The following PHF14 variants were observed in gnomAD, a reference collection of about 807,000 sequenced individuals.
The protein encoded by PHF14 is PHD finger protein 14.
A neutral mutation model predicts 117.9 loss-of-function variants in PHF14; 55 were observed. The observed-to-expected ratio is 0.47, with a 90% CI of 0.38 to 0.58. The LOEUF is 0.58. PHF14 is among the 20% of genes least tolerant of loss of function. The pLI is 0.00. For missense variants in PHF14, 978 were observed against 1,122.2 expected, an observed-to-expected ratio of 0.87 and a Z score of 1.84; for synonymous variants, 409 against 368.6, an observed-to-expected ratio of 1.11 and a Z score of -1.26.
At chr7:11,075,093 A>G (rs1369599721) in intron 16 of PHF14, among the ~76,000 whole-genome samples, 1 of 151,924 alleles carries the variant, frequency 6.6e-6, no homozygotes, top group Non-Finnish European at 1.5e-5. Context: ...ACATGCCATC[A>G]CACCTGGCTA....
chr7:11,087,394 G>A (rs1786454512), intron 16 of PHF14, among the ~76,000 whole-genome samples: 1 of 152,082 alleles, frequency 6.6e-6, no homozygotes, highest in Non-Finnish European at 1.5e-5. Flanking sequence ...GTATCACCAT[G>A]TTGGCCATAC....
chr7:11,053,321 G>T (rs1169630700), intron 14 of PHF14, among the ~76,000 whole-genome samples: 2 of 151,972 alleles, frequency 1.3e-5, no homozygotes, highest in Non-Finnish European at 2.9e-5. Context: ...TTATCTCTTA[G>T]ATAATTGAAA....
intron 17 of PHF14, among the ~76,000 whole-genome samples, chr7:11,168,306 G>A (rs1001110403): frequency 6.6e-6 from 1 of 152,088 alleles, no homozygotes; most frequent in East Asian, 1.9e-4. Flanking sequence ...TGTTAACAAA[G>A]TCTAAATCAC....
At chr7:11,129,590 A>G (rs1267299685) in intron 17 of PHF14, among the ~76,000 whole-genome samples, 1 of 149,260 alleles carries the variant, frequency 6.7e-6, no homozygotes, top group East Asian at 2.0e-4. Context: ...TTTAAGAGAC[A>G]GTAAACCCTT....
At chr7:11,015,803 G>GTAT (rs910519425) in intron 5 of PHF14, among the ~76,000 whole-genome samples, 27 of 150,458 alleles carry the variant, frequency 1.8e-4, no homozygotes, top group African/African-American at 6.6e-4. Flanking sequence ...TAATCATGGA[G>GTAT]TATTAGCTCA....
At position 11,113,638 on chromosome 7, in the gene PHF14, A is replaced by G. The variant is rs140868327; in HGVS notation, c.2772+2171A>G. 8.5e-4 allele frequency among the ~76,000 whole-genome samples: 129 copies of G among 152,252 alleles called. 1 individual carries two copies. In the East Asian group the frequency reaches 0.021, roughly 25 times the overall value. ...ATTTTCCAATGAAAAATGAAATTTA[A>G]TATAATATTTAAGCTGAAACTTCCG... On this transcript the variant is annotated intron_variant, in intron 17 of 17. Coordinates refer to ENST00000634607, the MANE Select transcript of PHF14 (RefSeq NM_001007157.2).
At chr7:11,021,278 G>A (rs979943847) in intron 5 of PHF14, among the ~76,000 whole-genome samples, 2 of 152,106 alleles carry the variant, frequency 1.3e-5, no homozygotes, top group African/African-American at 4.8e-5. Flanking sequence ...AAAATTAATG[G>A]TAAAGTAACA....
At chr7:11,154,307 A>C (rs1398992211) in intron 17 of PHF14, among the ~76,000 whole-genome samples, 2 of 152,204 alleles carry the variant, frequency 1.3e-5, no homozygotes, top group Admixed American at 1.3e-4. Flanking sequence ...CATGTATAAA[A>C]GAAAAACAAA....
chr7:11,132,554 T>A (rs1788119340), intron 17 of PHF14, among the ~76,000 whole-genome samples: 1 of 151,906 alleles, frequency 6.6e-6, no homozygotes, highest in South Asian at 2.1e-4. Context: ...GCAGTGAACA[T>A]GAGAGTGCAA....
chr7:10,996,326 A>G (rs1782644458), intron 4 of PHF14, among the ~76,000 whole-genome samples: 1 of 152,248 alleles, frequency 6.6e-6, no homozygotes, highest in Non-Finnish European at 1.5e-5. Context: ...TGTTAGGACT[A>G]GAAATTTAAA....
intron 2 of PHF14, among the ~76,000 whole-genome samples, chr7:10,979,911 T>C (rs1216495290): frequency 6.6e-6 from 1 of 152,068 alleles, no homozygotes; most frequent in Non-Finnish European, 1.5e-5. Flanking sequence ...CTATTAGGAG[T>C]TGGTTTTGTG....
chr7:10,994,747 C>G (rs992140595), intron 4 of PHF14, among the ~76,000 whole-genome samples: 1 of 152,016 alleles, frequency 6.6e-6, no homozygotes, highest in Non-Finnish European at 1.5e-5. Context: ...GGAGTTTCTT[C>G]TTTCTGGTGG....
chr7:11,124,040 T>C (rs1787852292), intron 17 of PHF14, among the ~76,000 whole-genome samples: 1 of 128,228 alleles, frequency 7.8e-6, no homozygotes, highest in African/African-American at 2.5e-5. Context: ...TTTTTCTCCT[T>C]ACTTTTTCCT....
chr7:11,003,871 C>A (rs1782970901), intron 4 of PHF14, among the ~76,000 whole-genome samples: 1 of 152,116 alleles, frequency 6.6e-6, no homozygotes, highest in Non-Finnish European at 1.5e-5. Context: ...TCTGTTGTAC[C>A]TTGTGTACCA....
intron 2 of PHF14, among the ~76,000 whole-genome samples, chr7:10,980,372 C>T (rs1283223818): frequency 6.6e-6 from 1 of 152,098 alleles, no homozygotes; most frequent in African/African-American, 2.4e-5. Context: ...CATAAAAAAT[C>T]TTTCTGTGTC....
chr7:11,074,367 C>T (rs867122719), intron 16 of PHF14, among the ~76,000 whole-genome samples: 1 of 151,852 alleles, frequency 6.6e-6, no homozygotes, highest in Non-Finnish European at 1.5e-5. Context: ...CCTGCCACCA[C>T]GCCCAGCTAA....
At chr7:11,063,367 T>G (rs1785305149) in intron 16 of PHF14, 1 of 983,148 alleles carries the variant, frequency 1.0e-6, no homozygotes, top group Non-Finnish European at 1.2e-6. Flanking sequence ...ATGTCGAAAA[T>G]GAAATCCCAA....
intron 17 of PHF14, among the ~76,000 whole-genome samples, chr7:11,163,651 A>C (rs1202219216): frequency 6.6e-6 from 1 of 152,204 alleles, no homozygotes; most frequent in African/African-American, 2.4e-5. Flanking sequence ...AAAAACTCTA[A>C]TTAATTTCAG....
In PHF14 at chr7:11,036,413, T is replaced by C; in HGVS notation, c.1603-5T>C. The C allele has an allele frequency of 1.3e-6, 2 of 1,593,196 alleles. No homozygotes were observed. The highest frequency in any genetic ancestry group is 1.7e-6 in the Non-Finnish European group (2 of 1,167,018). On this transcript the variant is annotated splice_polypyrimidine_tract_variant and splice_region_variant and intron_variant, in intron 8 of 17. Coordinates refer to ENST00000634607, the MANE Select transcript of PHF14 (RefSeq NM_001007157.2). ...TTTTAAAATTTGAATACATTTCTTT[T>C]ATAGGCAAGGATCAATGCCCGGCTT...
Sources: allele counts gnomAD v4.1 joint callset (sites outside exome capture counted in the v4.1 genomes callset), GRCh38; gene constraint gnomAD v4.1.1; transcripts MANE v1.5; gene names NCBI Gene and HGNC (gene_info 2026-07-23, HGNC 2026-07-21).